The following ZNF729 variants were observed in gnomAD, a reference collection of about 807,000 sequenced individuals.
The protein encoded by ZNF729 is zinc finger protein 729.
A neutral mutation model predicts 12.2 loss-of-function variants in ZNF729; 15 were observed. That is an observed-to-expected ratio of 1.23 (90% CI 0.82 to 1.89). ZNF729 has a LOEUF of 1.89. Among genes scored for constraint, ZNF729 ranks in the 40% most tolerant of loss-of-function variants. The pLI is 0.00. For synonymous variants in ZNF729, 492 were observed against 476.3 expected, an observed-to-expected ratio of 1.03 and a Z score of -0.43; for missense variants, 1,540 against 1,456.7, an observed-to-expected ratio of 1.06 and a Z score of -0.93.
At chr19:22,303,145 A>G (rs898151310) in intron 1 of ZNF729, among the ~76,000 whole-genome samples, 6 of 152,124 alleles carry the variant, frequency 3.9e-5, no homozygotes, top group African/African-American at 1.4e-4. Flanking sequence ...TTTCTTTCTT[A>G]GATTTTCTTT....
At chr19:22,293,366 A>G (rs1009450305) in intron 1 of ZNF729, among the ~76,000 whole-genome samples, 3 of 150,304 alleles carry the variant, frequency 2.0e-5, no homozygotes, top group African/African-American at 7.3e-5. Flanking sequence ...TTGTATTTTT[A>G]GTAGAGACAA....
At chr19:22,295,545 C>G (rs1000308977) in intron 1 of ZNF729, among the ~76,000 whole-genome samples, 4 of 152,006 alleles carry the variant, frequency 2.6e-5, no homozygotes, top group Non-Finnish European at 4.4e-5. Context: ...CGACTACAGG[C>G]GCGCACCACT....
At chr19:22,288,540 A>T (rs780014068) in intron 1 of ZNF729, among the ~76,000 whole-genome samples, 12 of 152,120 alleles carry the variant, frequency 7.9e-5, no homozygotes, top group Non-Finnish European at 1.5e-4. Flanking sequence ...CTCCCATGGG[A>T]CAATCTGAGG....
chr19:22,315,873 C>T lies in ZNF729; in HGVS notation c.2456C>T (p.Thr819Ile), dbSNP rs767840947. ...SKLTVHKVIHTGEKPCKCEEC... is the reference protein window; with the variant it reads ...SKLTVHKVIHIGEKPCKCEEC... ...CTTACTGTACATAAGGTAATTCATACTGGAGAGAAACCCTGCAAATGTGAA... is the reference window on the plus strand; with the variant it reads ...CTTACTGTACATAAGGTAATTCATATTGGAGAGAAACCCTGCAAATGTGAA... Residue 819 changes from threonine (T) to isoleucine (I), a missense_variant, in exon 4 of 4, where the codon ACT becomes ATT. Physicochemically the swap from Thr to Ile is moderately conservative, Grantham distance 89. Coordinates refer to ENST00000601693, the MANE Select transcript of ZNF729 (RefSeq NM_001242680.2). 8.1e-6 allele frequency: 13 copies of T among 1,611,202 alleles called. No homozygotes were observed. In the Middle Eastern group the frequency reaches 4.9e-4, roughly 61 times the overall value.
Position 22,313,711 on chromosome 19 carries a change from G to A in ZNF729, c.294G>A (p.Gln98=). The A allele has an allele frequency of 6.4e-7, 1 of 1,552,916 alleles. No homozygotes were observed. ...TTACACAAGACCTTTGGCCAGATCAGAGCACAAAAGATTCTTTCCAAGAAG... is the reference window on the plus strand; with the variant it reads ...TTACACAAGACCTTTGGCCAGATCAAAGCACAAAAGATTCTTTCCAAGAAG... ...SHFTQDLWPD[Q]STKDSFQEVI... The change falls in exon 4 of 4, where the codon CAG becomes CAA. Residue 98 remains glutamine, a synonymous_variant. Transcript: ENST00000601693.
In ZNF729 at chr19:22,309,006, A is replaced by G. The variant is rs1968418454; in HGVS notation, c.253+4223A>G. Among the ~76,000 whole-genome samples the G allele has an allele frequency of 4.6e-5, 7 of 152,166 alleles. 1 individual carries two copies. In the South Asian group the frequency reaches 1.4e-3, roughly 31 times the overall value. The stretch of plus-strand genomic sequence containing the variant: ...AGCCAATGTCTGAAAGGGTTTTTCC[A>G]ATGTTATCATCTAGAATTTTTATAG... On this transcript the variant is annotated intron_variant, in intron 3 of 3. Coordinates refer to ENST00000601693, the MANE Select transcript of ZNF729 (RefSeq NM_001242680.2).
rs1968485767 is a variant in ZNF729, at chr19:22,314,045, T to C, written c.628T>C (p.Cys210Arg). 3.2e-6 allele frequency: 5 copies of C among 1,541,944 alleles called. No homozygotes were observed. Among genetic ancestry groups the C allele is most frequent in the Admixed American group, 2.0e-5 (1 of 49,732 alleles). The change falls in exon 4 of 4, where the codon TGT becomes CGT. Residue 210 changes from cysteine to arginine, a missense_variant. Cys to Arg is a radical substitution (Grantham distance 180, BLOSUM62 -3). Coordinates refer to ENST00000601693, the MANE Select transcript of ZNF729 (RefSeq NM_001242680.2). ...RIHIRQNIYK[C>R]EERGKAFKSF... ...TCATATTAGACAGAATATCTACAAA[T>C]GTGAAGAACGTGGCAAAGCCTTTAA... is the stretch of plus-strand genomic sequence containing the variant.
intron 1 of ZNF729, among the ~76,000 whole-genome samples, chr19:22,293,642 A>G (rs992162634): frequency 6.6e-6 from 1 of 150,852 alleles, no homozygotes; most frequent in African/African-American, 2.4e-5. Flanking sequence ...ATAGGTGTCC[A>G]CCACCACACG....
intron 3 of ZNF729, among the ~76,000 whole-genome samples, chr19:22,311,522 AATTCCACTTTT>A: frequency 6.6e-6 from 1 of 152,138 alleles, no homozygotes; most frequent in East Asian, 1.9e-4. Flanking sequence ...TTTGGAGTTG[AATTCCACTTTT>A]ATTCCACTGT....
chr19:22,296,368 C>T (rs565788326), intron 1 of ZNF729, among the ~76,000 whole-genome samples: 76 of 152,192 alleles, frequency 5.0e-4, no homozygotes, highest in African/African-American at 1.7e-3. Context: ...ATGTATTTGT[C>T]TAGAAATTTA....
chr19:22,315,129 C>T lies in ZNF729; in HGVS notation c.1712C>T (p.Pro571Leu). ...VHKVIHTGEK[P>L]CKCEECGKAF... ...AAGGTAATTCATACTGGAGAGAAAC[C>T]CTGCAAATGTGAAGAATGTGGCAAA... The change falls in exon 4 of 4, where the codon CCC (proline) becomes CTC (leucine). Residue 571 changes from proline to leucine, a missense_variant. Physicochemically the swap from Pro to Leu is moderately conservative, Grantham distance 98. Transcript: ENST00000601693. The T allele has an allele frequency of 6.2e-7, 1 of 1,610,978 alleles. No homozygotes were observed. Among genetic ancestry groups the T allele is most frequent in the Non-Finnish European group, 8.5e-7 (1 of 1,179,588 alleles).
rs768026413 is a variant in ZNF729 at position 22,315,248 on chromosome 19, A to G, written c.1831A>G (p.Asn611Asp). ...KCEECGKAFN[N>D]SSILAKHKII... ...TGAAGAATGTGGCAAAGCTTTTAAC[A>G]ATTCCTCAATCCTTGCTAAACATAA... is the stretch of plus-strand genomic sequence containing the variant. Residue 611 changes from asparagine (N) to aspartate (D), a missense_variant, in exon 4 of 4, where the codon AAT (asparagine) becomes GAT (aspartate). Transcript: ENST00000601693. 1 of 1,611,000 alleles carries G rather than the reference A, an allele frequency of 6.2e-7. No individual in the cohort carries two copies. Among genetic ancestry groups the G allele is most frequent in the East Asian group, 2.2e-5 (1 of 44,676 alleles).
At chr19:22,306,923 TGAAA>T (rs1968385358) in intron 3 of ZNF729, among the ~76,000 whole-genome samples, 1 of 151,712 alleles carries the variant, frequency 6.6e-6, no homozygotes, top group South Asian at 2.1e-4. Context: ...ATTTTCAACA[TGAAA>T]GACTCATTTT....
At chr19:22,303,963 G>T in intron 2 of ZNF729, 79 bp downstream of exon 2, 1 of 1,371,310 alleles carries the variant, frequency 7.3e-7, no homozygotes, top group Non-Finnish European at 9.7e-7. Flanking sequence ...GTGTTTTGGT[G>T]ATTTATGCTT....
chr19:22,309,143 A>G (rs1968419826), intron 3 of ZNF729, among the ~76,000 whole-genome samples: 1 of 152,136 alleles, frequency 6.6e-6, no homozygotes, highest in African/African-American at 2.4e-5. Flanking sequence ...TCCCAGCACC[A>G]TTTGTTGAAA....
At position 22,315,650 on chromosome 19, in the gene ZNF729, T is replaced by C; in HGVS notation, c.2233T>C (p.Cys745Arg). ...AGAGAAACCCTGCAAATGTGAAGAA[T>C]GTGGCAAATCTTTTAAGCATTTCTC... is the stretch of plus-strand genomic sequence containing the variant. ...TAEKPCKCEE[C>R]GKSFKHFSAL... Residue 745 changes from cysteine (C) to arginine (R), a missense_variant, in exon 4 of 4, where the codon TGT becomes CGT. Coordinates refer to ENST00000601693, the MANE Select transcript of ZNF729 (RefSeq NM_001242680.2). 2.5e-6 allele frequency: 4 copies of C among 1,608,734 alleles called. No individual in the cohort carries two copies. Among genetic ancestry groups the C allele is most frequent in the Non-Finnish European group, 3.4e-6 (4 of 1,179,260 alleles).
At chr19:22,297,501 G>A (rs553175874) in intron 1 of ZNF729, among the ~76,000 whole-genome samples, 1 of 151,578 alleles carries the variant, frequency 6.6e-6, no homozygotes, top group East Asian at 1.9e-4. Context: ...CTTTTTTAAA[G>A]CATTTAGATT....
intron 3 of ZNF729, among the ~76,000 whole-genome samples, chr19:22,305,993 T>G (rs759593027): frequency 6.6e-6 from 1 of 152,076 alleles, no homozygotes; most frequent in East Asian, 1.9e-4. Flanking sequence ...TTTTGTTTTG[T>G]TTTTTAGAGA....
At chr19:22,305,660 GCTA>G (rs1476403618) in intron 3 of ZNF729, among the ~76,000 whole-genome samples, 1 of 151,986 alleles carries the variant, frequency 6.6e-6, no homozygotes, top group Non-Finnish European at 1.5e-5. Context: ...CCCAATTGTG[GCTA>G]CTATTTGCAT....
Sources: allele counts gnomAD v4.1 joint callset (sites outside exome capture counted in the v4.1 genomes callset), GRCh38; gene constraint gnomAD v4.1.1; transcripts MANE v1.5; gene names NCBI Gene and HGNC (gene_info 2026-07-23, HGNC 2026-07-21).